Variants in ZMYM2 observed in about 807,000 individuals in gnomAD.
The protein encoded by ZMYM2 is zinc finger MYM-type protein 2.
ZMYM2 carries 56 observed loss-of-function variants against 162.8 expected under a neutral mutation model. The ratio of observed to expected loss-of-function variants is 0.34; its 90% confidence interval spans 0.28 to 0.43. ZMYM2 has a LOEUF of 0.43. Ranked by LOEUF, ZMYM2 falls within the 20% of genes least tolerant of loss-of-function variation. The probability of loss-of-function intolerance (pLI) is 1.00; values close to 1 mark genes in which losing one functional copy is unlikely to be tolerated. For missense variants in ZMYM2, 1,275 were observed against 1,621.8 expected (o/e 0.79, Z 3.67); for synonymous variants, 510 against 541.6 (o/e 0.94, Z 0.81).
intron 9 of ZMYM2, among the ~76,000 whole-genome samples, chr13:20,029,969 A>G (rs892588295): frequency 2.0e-5 from 3 of 149,066 alleles, no homozygotes; most frequent in East Asian, 2.0e-4. Context: ...TAATTTTTGT[A>G]TTTTTAGTAG....
chr13:20,027,199 C>T lies in ZMYM2; in HGVS notation c.1736-4C>T. On this transcript the variant is annotated splice_polypyrimidine_tract_variant and splice_region_variant and intron_variant, in intron 8 of 24. Coordinates refer to ENST00000610343, the MANE Select transcript of ZMYM2 (RefSeq NM_197968.4). ...AAATCAGATATGTACCTTTTCTTTC[C>T]TAGGTTTGGGAATTATTTGCCATTT... 3 of 1,554,574 alleles carry T rather than the reference C, an allele frequency of 1.9e-6. No homozygotes were observed. Among genetic ancestry groups the T allele is most frequent in the Non-Finnish European group, 2.6e-6 (3 of 1,148,184 alleles).
chr13:19,905,223 G>A, the ZMYM2 span, among the ~76,000 whole-genome samples: 1 of 152,078 alleles, frequency 6.6e-6, no homozygotes, highest in Non-Finnish European at 1.5e-5. Context: ...AAGTTGCTGA[G>A]GCTGGTCTGG....
intron 2 of ZMYM2, chr13:19,965,400 G>A: frequency 6.4e-6 from 3 of 469,230 alleles, no homozygotes; most frequent in South Asian, 4.2e-5. Context: ...TTTTTCCTAG[G>A]AAGAATAGTG....
At chr13:19,994,843 A>G (rs567189724) in intron 3 of ZMYM2, among the ~76,000 whole-genome samples, 1 of 151,698 alleles carries the variant, frequency 6.6e-6, no homozygotes, top group Non-Finnish European at 1.5e-5. Flanking sequence ...TTAATTAGTT[A>G]ATTTTTTGGG....
At chr13:19,898,672 T>A in the ZMYM2 span, among the ~76,000 whole-genome samples, 1 of 151,948 alleles carries the variant, frequency 6.6e-6, no homozygotes, top group Non-Finnish European at 1.5e-5. Context: ...AAGCTTGTAA[T>A]CCCAGGACTT....
chr13:19,965,235 T>C, intron 2 of ZMYM2: 1 of 1,299,666 alleles, frequency 7.7e-7, no homozygotes, highest in Non-Finnish European at 1.0e-6. Flanking sequence ...CATGTGTATA[T>C]TACTCTCTGC....
intron 2 of ZMYM2, among the ~76,000 whole-genome samples, chr13:19,971,226 A>ATGTG (rs1402220919): frequency 8.7e-5 from 6 of 68,962 alleles, no homozygotes; most frequent in East Asian, 9.7e-4. Context: ...TAGTTTATAT[A>ATGTG]TATGTGTGTG....
chr13:19,870,046 G>A, the ZMYM2 span, among the ~76,000 whole-genome samples: 2 of 152,216 alleles, frequency 1.3e-5, no homozygotes, highest in Non-Finnish European at 2.9e-5. Context: ...GGCTGCAGTC[G>A]TATGAAGGCC....
intron 2 of ZMYM2, among the ~76,000 whole-genome samples, chr13:19,964,234 G>C (rs1331822776): frequency 2.6e-5 from 4 of 152,076 alleles, no homozygotes; most frequent in Non-Finnish European, 5.9e-5. Flanking sequence ...AGATTAGTCA[G>C]GCATGGTGGT....
At chr13:20,056,632 A>G (rs187861682) in intron 14 of ZMYM2, among the ~76,000 whole-genome samples, 1 of 152,296 alleles carries the variant, frequency 6.6e-6, no homozygotes, top group East Asian at 1.9e-4. Flanking sequence ...AAAGCAGTCC[A>G]TTGATAACTG....
At position 20,085,851 on chromosome 13, in the gene ZMYM2, T is replaced by C; in HGVS notation, c.3971T>C (p.Val1324Ala). ...SPQNLNQRMD[V>A]FYLQPECSSS... ...CAGAATCTTAATCAGAGGATGGATG[T>C]TTTTTATTTGCAACCAGAATGCTCT... The change falls in exon 25 of 25, where the codon GTT becomes GCT. Residue 1324 changes from valine to alanine, a missense_variant. This residue lies in a region of ZMYM2 where 69 missense variants were observed against 78.4 expected (regional missense o/e 0.88). Transcript: ENST00000610343. 6.2e-7 allele frequency: 1 copy of C among 1,611,640 alleles called. No homozygotes were observed. The highest frequency in any genetic ancestry group is 8.5e-7 in the Non-Finnish European group (1 of 1,178,738).
chr13:19,978,272 A>G (rs1248878020), intron 2 of ZMYM2, among the ~76,000 whole-genome samples: 1 of 152,232 alleles, frequency 6.6e-6, no homozygotes, highest in African/African-American at 2.4e-5. Context: ...TAAATTTATA[A>G]TAACATATTG....
At chr13:20,059,241 C>T (rs1159176320) in intron 15 of ZMYM2, among the ~76,000 whole-genome samples, 3 of 148,368 alleles carry the variant, frequency 2.0e-5, no homozygotes, top group Non-Finnish European at 4.5e-5. Flanking sequence ...TCCCTAAATT[C>T]TATTTGTATT....
rs975341900 is a variant in ZMYM2, at chr13:20,029,824, A to T, written c.1852-1495A>T. On this transcript the variant is annotated intron_variant, in intron 9 of 24. Transcript: ENST00000610343. ...AAATTTTTTTTTTTTTGGAGACAGA[A>T]TCTCACTCTGTTGCCCAGGCTGGGG... Among the ~76,000 whole-genome samples the T allele has an allele frequency of 5.1e-4, 77 of 151,814 alleles. 1 individual carries two copies. Among genetic ancestry groups the T allele is most frequent in the Non-Finnish European group, 2.5e-4 (17 of 67,948 alleles).
At chr13:19,988,501 C>T (rs1449594882) in intron 2 of ZMYM2, among the ~76,000 whole-genome samples, 3 of 152,098 alleles carry the variant, frequency 2.0e-5, no homozygotes, top group Admixed American at 6.6e-5. Flanking sequence ...GAGTTACGGC[C>T]GGGCATGGTG....
chr13:19,906,355 A>G, the ZMYM2 span, among the ~76,000 whole-genome samples: 6 of 132,270 alleles, frequency 4.5e-5, no homozygotes, highest in South Asian at 4.8e-4. Flanking sequence ...ATGTGTGTGT[A>G]TATATATATG....
intron 3 of ZMYM2, 142 bp from the exon 4 acceptor site, chr13:20,002,708 A>G (rs746234089): frequency 3.2e-5 from 32 of 1,011,948 alleles, no homozygotes; most frequent in Middle Eastern, 3.3e-4. Context: ...AACTTGTGCT[A>G]TATACCTCTC....
intron 11 of ZMYM2, among the ~76,000 whole-genome samples, chr13:20,035,632 TAGC>T (rs1170569885): frequency 6.6e-6 from 1 of 152,192 alleles, no homozygotes; most frequent in Non-Finnish European, 1.5e-5. Context: ...AATAGACAAT[TAGC>T]AGCAAATAGG....
In ZMYM2 at chr13:19,970,517, G is replaced by A. The variant is rs140763943; in HGVS notation, c.-11+10491G>A. On this transcript the variant is annotated intron_variant, in intron 2 of 24. Transcript: ENST00000610343. ...TTTTTAACAGGGAAATGGGCTTGGG[G>A]GTGAAGTGATTGTCCTATGCACACA... Among the ~76,000 whole-genome samples, 458 of 151,480 alleles carry A rather than the reference G, an allele frequency of 3.0e-3. 4 individuals carry two copies. Among genetic ancestry groups the A allele is most frequent in the African/African-American group, 0.011 (437 of 41,290 alleles).
Sources: gnomAD v4.1 joint callset for allele counts (sites outside exome capture counted in the v4.1 genomes callset) on GRCh38, gnomAD v4.1.1 for gene constraint, gnomAD v4.1.1 regional missense constraint, MANE v1.5 for transcripts, NCBI Gene and HGNC (gene_info 2026-07-23, HGNC 2026-07-21) for gene names.